RAP2B: variants seen among roughly 807,000 people sequenced by gnomAD.
The protein encoded by RAP2B is RAP2B, member of RAS oncogene family, also known as ras-related protein Rap-2b.
RAP2B carries 6 observed loss-of-function variants against 14.4 expected under a neutral mutation model. The observed-to-expected ratio is 0.42, with a 90% CI of 0.23 to 0.82. The LOEUF (loss-of-function observed/expected upper bound fraction) is 0.82. Among genes scored for constraint, RAP2B ranks in the 40% least tolerant of loss-of-function variants. RAP2B has a pLI of 0.30. For missense variants in RAP2B, 137 were observed against 248.2 expected (o/e 0.55, Z 3.01); for synonymous variants, 118 against 113.2 (o/e 1.04, Z -0.27).
Position 153,162,619 on chromosome 3 carries a change from C to T in RAP2B, c.-75C>T. 6.8e-7 allele frequency: 1 copy of T among 1,461,498 alleles called. No homozygotes were observed. The highest frequency in any genetic ancestry group is 9.1e-7 in the Non-Finnish European group (1 of 1,102,500). 90.5% of individuals were successfully genotyped at this position (1,461,498 alleles called of 1,614,324 possible). ...CTGAGGAAGGGGAAGAGAAGTCCAG[C>T]CGCCAAGCCCAGCCTTCCCCGGCGC... On this transcript the variant is annotated 5_prime_UTR_variant, in exon 1 of 1. Transcript: ENST00000323534. The surrounding 1 kb of genome is among the most constrained non-coding windows in gnomAD (Gnocchi z 4.9).
chr3:153,162,916 G>T lies in RAP2B; in HGVS notation c.223G>T (p.Gly75Cys). 1.2e-6 allele frequency: 2 copies of T among 1,614,074 alleles called. No homozygotes were observed. The highest frequency in any genetic ancestry group is 1.7e-6 in the Non-Finnish European group (2 of 1,180,018). ...ASMRDLYIKN[G>C]QGFILVYSLV... ...CATGCGGGACCTGTACATCAAGAAC[G>T]GCCAGGGCTTCATCCTGGTCTACAG... Residue 75 changes from glycine (G) to cysteine (C), a missense_variant, in exon 1 of 1, where the codon GGC becomes TGC. Coordinates refer to ENST00000323534, the MANE Select transcript of RAP2B (RefSeq NM_002886.4). This position sits in a 1 kb window ranked among gnomAD's most constrained non-coding sequence, Gnocchi z 4.9.
In RAP2B at chr3:153,166,526, T is replaced by C. The variant is rs1205490366; in HGVS notation, c.*3281T>C. ...GCTGACTTTTAAACTTGACCCCTGC[T>C]GTTTTTAAACAGCTTTTCCTTTTGG... is the stretch of plus-strand genomic sequence containing the variant. On this transcript the variant is annotated 3_prime_UTR_variant, in exon 1 of 1. Coordinates refer to ENST00000323534, the MANE Select transcript of RAP2B (RefSeq NM_002886.4). 6.0e-6 allele frequency: 1 copy of C among 167,100 alleles called. No homozygotes were observed. Among genetic ancestry groups the C allele is most frequent in the Admixed American group, 6.5e-5 (1 of 15,290 alleles). 10.4% of individuals were successfully genotyped at this position (167,100 alleles called of 1,614,324 possible). A position where few individuals can be genotyped will look rare whatever the true frequency, so the allele number is the denominator to read the frequency against.
At position 153,169,277 on chromosome 3, in the gene RAP2B, C is replaced by G. The variant is rs1344483556; in HGVS notation, c.*6032C>G. ...GGTTCAAGCAATTCTCCTGCCTCAGCCTTTCCAGTAGCTGGGACTACGGGC... is the reference window on the plus strand; with the variant it reads ...GGTTCAAGCAATTCTCCTGCCTCAGGCTTTCCAGTAGCTGGGACTACGGGC... On this transcript the variant is annotated 3_prime_UTR_variant, in exon 1 of 1. Coordinates refer to ENST00000323534, the MANE Select transcript of RAP2B (RefSeq NM_002886.4). 3 of 151,128 alleles carry G rather than the reference C, an allele frequency of 2.0e-5. No homozygotes were observed. The highest frequency in any genetic ancestry group is 7.3e-5 in the African/African-American group (3 of 40,952). The allele number at this position is 151,128 out of a possible 1,614,324, so 9.4% of individuals were successfully genotyped here. A position where few individuals can be genotyped will look rare whatever the true frequency, so the allele number is the denominator to read the frequency against.
rs915051132 is a variant in RAP2B at position 153,168,380 on chromosome 3, G to A, written c.*5135G>A. 6 of 166,942 alleles carry A rather than the reference G, an allele frequency of 3.6e-5. No homozygotes were observed. The highest frequency in any genetic ancestry group is 1.4e-4 in the African/African-American group (6 of 41,414). 10.3% of individuals were successfully genotyped at this position (166,942 alleles called of 1,614,324 possible). A position where few individuals can be genotyped will look rare whatever the true frequency, so the allele number is the denominator to read the frequency against. On this transcript the variant is annotated 3_prime_UTR_variant, in exon 1 of 1. Transcript: ENST00000323534. ...TATCATGCTTGGGTGGGGAAGAAAG[G>A]CCCTTACTCAAATCTCCATTTTCAT...
In RAP2B at chr3:153,170,105, G is replaced by A. The variant is rs545239693; in HGVS notation, c.*6860G>A. Reference sequence around the variant, plus strand: ...TACTCATTTTAAAATGAATTATCTTGCAAAATTATGTGAGGTTAAGTTTGT... The same window carrying A: ...TACTCATTTTAAAATGAATTATCTTACAAAATTATGTGAGGTTAAGTTTGT... On this transcript the variant is annotated 3_prime_UTR_variant, in exon 1 of 1. Transcript: ENST00000323534. 1.3e-5 allele frequency: 2 copies of A among 152,254 alleles called. No individual in the cohort carries two copies. The highest frequency in any genetic ancestry group is 3.9e-4 in the East Asian group (2 of 5,182). The allele number at this position is 152,254 out of a possible 1,614,324, so 9.4% of individuals were successfully genotyped here.
In RAP2B at chr3:153,168,157, C is replaced by T. The variant is rs1411588997; in HGVS notation, c.*4912C>T. ...TTCTTTCGTTATGCATCTTAATTCCCTCAGAAGGTCCCAGAACTTTATGTT... is the reference window on the plus strand; with the variant it reads ...TTCTTTCGTTATGCATCTTAATTCCTTCAGAAGGTCCCAGAACTTTATGTT... On this transcript the variant is annotated 3_prime_UTR_variant, in exon 1 of 1. Coordinates refer to ENST00000323534, the MANE Select transcript of RAP2B (RefSeq NM_002886.4). The T allele has an allele frequency of 1.8e-5, 3 of 166,946 alleles. No homozygotes were observed. The highest frequency in any genetic ancestry group is 4.4e-5 in the Non-Finnish European group (3 of 68,108). 10.3% of individuals were successfully genotyped at this position (166,946 alleles called of 1,614,324 possible). A position where few individuals can be genotyped will look rare whatever the true frequency, so the allele number is the denominator to read the frequency against.
chr3:153,167,769 A>G lies in RAP2B; in HGVS notation c.*4524A>G, dbSNP rs908290234. ...TGACTATGGTTTTCAATGTTAATTC[A>G]GAAGTTGACTTTAAATGAAAATGTG... On this transcript the variant is annotated 3_prime_UTR_variant, in exon 1 of 1. Transcript: ENST00000323534. 6.0e-6 allele frequency: 1 copy of G among 166,986 alleles called. No homozygotes were observed. The highest frequency in any genetic ancestry group is 1.5e-5 in the Non-Finnish European group (1 of 68,122). 10.3% of individuals were successfully genotyped at this position (166,986 alleles called of 1,614,324 possible).
rs1478117517 is a variant in RAP2B, at chr3:153,162,261, G to A, written c.-433G>A. 1 of 153,154 alleles carries A rather than the reference G, an allele frequency of 6.5e-6. No individual in the cohort carries two copies. Among genetic ancestry groups the A allele is most frequent in the Non-Finnish European group, 1.5e-5 (1 of 68,826 alleles). The allele number at this position is 153,154 out of a possible 1,614,324, so 9.5% of individuals were successfully genotyped here. On this transcript the variant is annotated 5_prime_UTR_variant, in exon 1 of 1. Transcript: ENST00000323534. This position sits in a 1 kb window ranked among gnomAD's most constrained non-coding sequence, Gnocchi z 4.9. The stretch of plus-strand genomic sequence containing the variant: ...GTGGGAGAGAGCGCGATGGGCCGCG[G>A]CGGTGGGCGCACGTTCCGCGGGGAC...
chr3:153,166,921 A>G lies in RAP2B; in HGVS notation c.*3676A>G, dbSNP rs1399808626. 1.2e-5 allele frequency: 2 copies of G among 166,964 alleles called. No homozygotes were observed. Among genetic ancestry groups the G allele is most frequent in the Non-Finnish European group, 2.9e-5 (2 of 68,088 alleles). The allele number at this position is 166,964 out of a possible 1,614,324, so 10.3% of individuals were successfully genotyped here. A position where few individuals can be genotyped will look rare whatever the true frequency, so the allele number is the denominator to read the frequency against. Reference sequence around the variant, plus strand: ...GTATTTCTCACAGGGGGTATGAGAAACAGAAAGCTATATGTAGCAGCTGGT... The same window carrying G: ...GTATTTCTCACAGGGGGTATGAGAAGCAGAAAGCTATATGTAGCAGCTGGT... On this transcript the variant is annotated 3_prime_UTR_variant, in exon 1 of 1. Transcript: ENST00000323534.
rs151087215 is a variant in RAP2B, at chr3:153,166,909, G to A, written c.*3664G>A. On this transcript the variant is annotated 3_prime_UTR_variant, in exon 1 of 1. Coordinates refer to ENST00000323534, the MANE Select transcript of RAP2B (RefSeq NM_002886.4). ...GGTCATATTCTAGTATTTCTCACAG[G>A]GGGTATGAGAAACAGAAAGCTATAT... The A allele has an allele frequency of 6.0e-6, 1 of 166,890 alleles. No individual in the cohort carries two copies. The highest frequency in any genetic ancestry group is 1.5e-5 in the Non-Finnish European group (1 of 68,092). The allele number at this position is 166,890 out of a possible 1,614,324, so 10.3% of individuals were successfully genotyped here.
At position 153,165,786 on chromosome 3, in the gene RAP2B, T is replaced by TA. The variant is rs1230579918; in HGVS notation, c.*2542dup. 1 of 167,080 alleles carries TA rather than the reference T, an allele frequency of 6.0e-6. No individual in the cohort carries two copies. The highest frequency in any genetic ancestry group is 2.1e-4 in the South Asian group (1 of 4,836). The allele number at this position is 167,080 out of a possible 1,614,324, so 10.3% of individuals were successfully genotyped here. On this transcript the variant is annotated 3_prime_UTR_variant, in exon 1 of 1. Coordinates refer to ENST00000323534, the MANE Select transcript of RAP2B (RefSeq NM_002886.4). ...TATCCTAAATGTAGAAATTAAAAGA[T>TA]ACTGTATAATTTTATGCCTTTGCAA...
In RAP2B at chr3:153,166,175, T is replaced by C. The variant is rs1231528759; in HGVS notation, c.*2930T>C. 5 of 166,974 alleles carry C rather than the reference T, an allele frequency of 3.0e-5. No homozygotes were observed. The Admixed American group carries it at 3.3e-4, about 11-fold the overall frequency. 10.3% of individuals were successfully genotyped at this position (166,974 alleles called of 1,614,324 possible). On this transcript the variant is annotated 3_prime_UTR_variant, in exon 1 of 1. Coordinates refer to ENST00000323534, the MANE Select transcript of RAP2B (RefSeq NM_002886.4). ...TATTAAGTGATGTAAAATAAATGCT[T>C]TTTGGATTATCAATGAAAGCAATTT... is the stretch of plus-strand genomic sequence containing the variant.
In RAP2B at chr3:153,162,523, GCCCGGCC is replaced by G; in HGVS notation, c.-170_-164del. ...TGCCGCCGCCGCCGGCCGGCCCGGC[GCCCGGCC>G]TCCGTTCGGTGGTTTCCGCCCTGCG... On this transcript the variant is annotated 5_prime_UTR_variant, in exon 1 of 1. Transcript: ENST00000323534. This position sits in a 1 kb window ranked among gnomAD's most constrained non-coding sequence, Gnocchi z 4.9. The G allele has an allele frequency of 1.4e-6, 1 of 738,536 alleles. No homozygotes were observed. The highest frequency in any genetic ancestry group is 1.9e-5 in the African/African-American group (1 of 53,772). The allele number at this position is 738,536 out of a possible 1,614,324, so 45.7% of individuals were successfully genotyped here.
rs1360528097 is a variant in RAP2B, at chr3:153,170,626, A to T, written c.*7381A>T. ...ATAAAAATGGATTCCATGAATTTCA[A>T]ATAATAATTGTTCTGTTGTATGTGA... On this transcript the variant is annotated 3_prime_UTR_variant, in exon 1 of 1. Coordinates refer to ENST00000323534, the MANE Select transcript of RAP2B (RefSeq NM_002886.4). 1 of 152,222 alleles carries T rather than the reference A, an allele frequency of 6.6e-6. No homozygotes were observed. The highest frequency in any genetic ancestry group is 1.5e-5 in the Non-Finnish European group (1 of 68,044). The allele number at this position is 152,222 out of a possible 1,614,324, so 9.4% of individuals were successfully genotyped here. A position where few individuals can be genotyped will look rare whatever the true frequency, so the allele number is the denominator to read the frequency against.
rs1432319313 is a variant in RAP2B at position 153,167,079 on chromosome 3, G to A, written c.*3834G>A. Reference sequence around the variant, plus strand: ...ATTTGGAGATCATCACTGTTAAAACGATACCAGACATTTGTCACAGTGTCT... The same window carrying A: ...ATTTGGAGATCATCACTGTTAAAACAATACCAGACATTTGTCACAGTGTCT... On this transcript the variant is annotated 3_prime_UTR_variant, in exon 1 of 1. Coordinates refer to ENST00000323534, the MANE Select transcript of RAP2B (RefSeq NM_002886.4). 2.4e-5 allele frequency: 4 copies of A among 166,996 alleles called. No homozygotes were observed. Among genetic ancestry groups the A allele is most frequent in the Admixed American group, 6.5e-5 (1 of 15,288 alleles). The allele number at this position is 166,996 out of a possible 1,614,324, so 10.3% of individuals were successfully genotyped here. A position where few individuals can be genotyped will look rare whatever the true frequency, so the allele number is the denominator to read the frequency against.
At position 153,162,867 on chromosome 3, in the gene RAP2B, G is replaced by C; in HGVS notation, c.174G>C (p.Thr58=). 6.2e-7 allele frequency: 1 copy of C among 1,613,978 alleles called. No homozygotes were observed. The highest frequency in any genetic ancestry group is 2.2e-5 in the East Asian group (1 of 44,858). ...SSPSVLEILD[T]AGTEQFASMR... ...CGTCGGTGCTGGAGATCCTGGATAC[G>C]GCGGGCACCGAGCAGTTCGCGTCCA... The change falls in exon 1 of 1, where the codon ACG becomes ACC. Residue 58 remains threonine, a synonymous_variant. Transcript: ENST00000323534. This position sits in a 1 kb window ranked among gnomAD's most constrained non-coding sequence, Gnocchi z 4.9.
Position 153,168,243 on chromosome 3 carries a change from T to C in RAP2B, c.*4998T>C, listed in dbSNP as rs1713634844. 1 of 166,970 alleles carries C rather than the reference T, an allele frequency of 6.0e-6. No homozygotes were observed. Among genetic ancestry groups the C allele is most frequent in the Non-Finnish European group, 1.5e-5 (1 of 68,118 alleles). The allele number at this position is 166,970 out of a possible 1,614,324, so 10.3% of individuals were successfully genotyped here. A position where few individuals can be genotyped will look rare whatever the true frequency, so the allele number is the denominator to read the frequency against. On this transcript the variant is annotated 3_prime_UTR_variant, in exon 1 of 1. Transcript: ENST00000323534. ...TCTAAAGAAACAATAGTAGATCTAA[T>C]TACAAGTAGTGGATTGCTTACTTCA...
chr3:153,163,225 T>C lies in RAP2B; in HGVS notation c.532T>C (p.Ser178Pro), dbSNP rs1229196205. 4.5e-6 allele frequency: 7 copies of C among 1,572,128 alleles called. No homozygotes were observed. Among genetic ancestry groups the C allele is most frequent in the Non-Finnish European group, 6.0e-6 (7 of 1,159,840 alleles). The change falls in exon 1 of 1, where the codon TCG becomes CCG. Residue 178 changes from serine (S) to proline (P), a missense_variant. By Grantham distance (74) the Ser-to-Pro change is moderately conservative. Transcript: ENST00000323534. ...AQPNGDEGCC[S>P]ACVIL ...GCCCAACGGCGATGAGGGCTGCTGCTCGGCCTGCGTGATCCTCTGAGGCGG... is the reference window on the plus strand; with the variant it reads ...GCCCAACGGCGATGAGGGCTGCTGCCCGGCCTGCGTGATCCTCTGAGGCGG...
Position 153,167,110 on chromosome 3 carries a change from G to T in RAP2B, c.*3865G>T, listed in dbSNP as rs1355217244. The T allele has an allele frequency of 6.0e-6, 1 of 166,930 alleles. No homozygotes were observed. Among genetic ancestry groups the T allele is most frequent in the Non-Finnish European group, 1.5e-5 (1 of 68,076 alleles). The allele number at this position is 166,930 out of a possible 1,614,324, so 10.3% of individuals were successfully genotyped here. On this transcript the variant is annotated 3_prime_UTR_variant, in exon 1 of 1. Coordinates refer to ENST00000323534, the MANE Select transcript of RAP2B (RefSeq NM_002886.4). ...AGACATTTGTCACAGTGTCTTATTT[G>T]GGGAAAGTTTGCTAATATACATTTT...
Sources: allele counts gnomAD v4.1 joint callset, GRCh38; gene constraint gnomAD v4.1.1; non-coding constraint Gnocchi (gnomAD v3.1); transcripts MANE v1.5; gene names NCBI Gene and HGNC (gene_info 2026-07-23, HGNC 2026-07-21).